The following SPRED2 variants were observed in gnomAD, a reference collection of about 807,000 sequenced individuals.
SPRED2 encodes sprouty related EVH1 domain containing 2, also known as sprouty-related, EVH1 domain-containing protein 2.
Under a neutral mutation model 43.0 loss-of-function variants are expected in SPRED2, and 47 were observed. That is an observed-to-expected ratio of 1.09 (90% CI 0.87 to 1.40). The LOEUF is 1.40. SPRED2 is among the 40% of genes most tolerant of loss of function. The pLI is 0.00. For missense variants in SPRED2, 561 were observed against 586.4 expected (o/e 0.96, Z 0.45); for synonymous variants, 225 against 225.7 (o/e 1.00, Z 0.03).
At chr2:65,391,792 G>A (rs982731057) in intron 1 of SPRED2, among the ~76,000 whole-genome samples, 10 of 152,090 alleles carry the variant, frequency 6.6e-5, no homozygotes, top group Non-Finnish European at 4.4e-5. Flanking sequence ...TCAAACAACA[G>A]GGCATGAAAA....
chr2:65,431,329 G>C (rs997276963), intron 1 of SPRED2, among the ~76,000 whole-genome samples: 1 of 151,464 alleles, frequency 6.6e-6, no homozygotes, highest in East Asian at 2.0e-4. Context: ...GGCCACAAGC[G>C]CGTGCACAGG....
intron 2 of SPRED2, among the ~76,000 whole-genome samples, chr2:65,338,963 G>GGT (rs1674079482): frequency 6.6e-6 from 1 of 151,860 alleles, no homozygotes; most frequent in African/African-American, 2.4e-5. Context: ...CCGTCCGGGA[G>GGT]GTGAGGGGCG....
intron 1 of SPRED2, among the ~76,000 whole-genome samples, chr2:65,346,736 G>A (rs1572858155): frequency 6.6e-6 from 1 of 152,232 alleles, no homozygotes; most frequent in Middle Eastern, 3.4e-3. Flanking sequence ...GCTTGCCACT[G>A]CTGCAGACTA....
chr2:65,342,216 G>A (rs11883448), intron 2 of SPRED2, among the ~76,000 whole-genome samples: 3,204 of 96,798 alleles, frequency 0.033, 22 homozygotes, highest in African/African-American at 0.073. Flanking sequence ...TGTATATTTT[G>A]TATACGTATA....
At chr2:65,351,438 T>C (rs766083529) in intron 1 of SPRED2, among the ~76,000 whole-genome samples, 1 of 152,132 alleles carries the variant, frequency 6.6e-6, no homozygotes, top group Non-Finnish European at 1.5e-5. Context: ...CTCTCCATTA[T>C]GCTCAACATT....
intron 1 of SPRED2, among the ~76,000 whole-genome samples, chr2:65,398,458 G>C (rs1675807828): frequency 6.6e-6 from 1 of 152,138 alleles, no homozygotes; most frequent in Non-Finnish European, 1.5e-5. Flanking sequence ...CGCAGAGTGG[G>C]AGAAAATCTT....
chr2:65,341,148 G>A (rs1002604060), intron 2 of SPRED2, among the ~76,000 whole-genome samples: 3 of 151,028 alleles, frequency 2.0e-5, no homozygotes, highest in Non-Finnish European at 4.4e-5. Flanking sequence ...TGAGTGTGCT[G>A]GGTATGGGTG....
intron 1 of SPRED2, among the ~76,000 whole-genome samples, chr2:65,372,462 C>T (rs1675148165): frequency 6.6e-6 from 1 of 152,140 alleles, no homozygotes; most frequent in African/African-American, 2.4e-5. Context: ...TTGCGGCATT[C>T]AGGGTGCTGA....
intron 4 of SPRED2, among the ~76,000 whole-genome samples, chr2:65,327,204 T>C (rs1279012939): frequency 6.6e-6 from 1 of 152,114 alleles, no homozygotes; most frequent in East Asian, 1.9e-4. Flanking sequence ...AAAAGGACTC[T>C]GATAAACCCA....
At chr2:65,316,166 T>G (rs1673226549) in intron 5 of SPRED2, among the ~76,000 whole-genome samples, 1 of 152,224 alleles carries the variant, frequency 6.6e-6, no homozygotes, top group African/African-American at 2.4e-5. Context: ...ATTTGGGAAC[T>G]TGCTCTGCAA....
At chr2:65,319,078 G>C (rs564287979) in intron 4 of SPRED2, among the ~76,000 whole-genome samples, 1 of 152,258 alleles carries the variant, frequency 6.6e-6, no homozygotes, top group South Asian at 2.1e-4. Flanking sequence ...TAGAAAAAAA[G>C]CACTACAAGA....
chr2:65,372,816 C>T (rs190584997), intron 1 of SPRED2, among the ~76,000 whole-genome samples: 16 of 152,306 alleles, frequency 1.1e-4, no homozygotes, highest in African/African-American at 3.8e-4. Context: ...GCATGCTAGA[C>T]CCAAATCTGC....
intron 2 of SPRED2, among the ~76,000 whole-genome samples, chr2:65,341,836 C>G (rs1674193838): frequency 6.6e-6 from 1 of 151,972 alleles, no homozygotes; most frequent in South Asian, 2.1e-4. Context: ...AAACATAAGC[C>G]TTCAGACAAG....
chr2:65,360,211 G>A (rs915712547), intron 1 of SPRED2, among the ~76,000 whole-genome samples: 37 of 151,220 alleles, frequency 2.4e-4, no homozygotes, highest in Non-Finnish European at 4.6e-4. Flanking sequence ...AAGGGCCCTC[G>A]ACTTAATGTT....
intron 1 of SPRED2, among the ~76,000 whole-genome samples, chr2:65,395,665 G>A (rs1675742030): frequency 6.6e-6 from 1 of 152,190 alleles, no homozygotes; most frequent in Non-Finnish European, 1.5e-5. Flanking sequence ...ATGGGTAGAA[G>A]TGGGCATCAA....
intron 1 of SPRED2, among the ~76,000 whole-genome samples, chr2:65,349,302 C>A (rs4671660): frequency 0.32 from 35,998 of 112,508 alleles, 5,921 homozygotes; most frequent in East Asian, 0.7. Context: ...CAGCAAGACT[C>A]TGTCTCAAAA....
chr2:65,407,024 G>A (rs1039701935), intron 1 of SPRED2, among the ~76,000 whole-genome samples: 2 of 151,926 alleles, frequency 1.3e-5, no homozygotes, highest in East Asian at 3.9e-4. Flanking sequence ...CACCTCCTGG[G>A]TTCACGCCAT....
In SPRED2 at chr2:65,360,428, C is replaced by T. The variant is rs77229340; in HGVS notation, c.27-15532G>A. 3.3e-3 allele frequency among the ~76,000 whole-genome samples: 509 copies of T among 152,302 alleles called. 2 individuals carry two copies. Among genetic ancestry groups the T allele is most frequent in the African/African-American group, 0.011 (468 of 41,556 alleles). ...TTGTGTTAACTTTTTCTTGTGTGTTCGCATATAGCGAATTAACCTTAACAC... is the reference window on the plus strand; with the variant it reads ...TTGTGTTAACTTTTTCTTGTGTGTTTGCATATAGCGAATTAACCTTAACAC... On this transcript the variant is annotated intron_variant, in intron 1 of 5. Transcript: ENST00000356388.
intron 1 of SPRED2, among the ~76,000 whole-genome samples, chr2:65,345,316 T>C (rs1674322007): frequency 7.3e-6 from 1 of 137,404 alleles, no homozygotes. Context: ...CAGGCTGGAG[T>C]GTAATGGCGC....
Sources: gnomAD v4.1 joint callset for allele counts (sites outside exome capture counted in the v4.1 genomes callset) on GRCh38, gnomAD v4.1.1 for gene constraint, MANE v1.5 for transcripts, NCBI Gene and HGNC (gene_info 2026-07-23, HGNC 2026-07-21) for gene names.